The following PITRM1 variants were observed in gnomAD, a reference collection of about 807,000 sequenced individuals.
PITRM1 encodes the protein pitrilysin metallopeptidase 1.
PITRM1 carries 100 observed loss-of-function variants against 129.9 expected under a neutral mutation model. That is an observed-to-expected ratio of 0.77 (90% CI 0.65 to 0.91). PITRM1 has a LOEUF of 0.91. Ranked by LOEUF, PITRM1 falls within the 40% of genes least tolerant of loss-of-function variation. The pLI is 0.00. For synonymous variants in PITRM1, 591 were observed against 508.8 expected (o/e 1.16, Z -2.17); for missense variants, 1,471 against 1,318.3 (o/e 1.12, Z -1.79).
intron 24 of PITRM1, among the ~76,000 whole-genome samples, chr10:3,140,246 T>C (rs924189454): frequency 6.6e-6 from 1 of 152,366 alleles, no homozygotes; most frequent in Non-Finnish European, 1.5e-5. Flanking sequence ...CCTAGACGGC[T>C]ACTGGGTGAC....
intron 11 of PITRM1, 126 bp from the exon 12 acceptor site, chr10:3,157,657 C>G (rs1224671159): frequency 1.6e-6 from 1 of 624,538 alleles, no homozygotes. Flanking sequence ...GCTTGGGCAA[C>G]ACAGAGAAAG....
rs1841001937 is a variant in PITRM1 at position 3,147,395 on chromosome 10, T to TG, written c.2236-146dup. 8.6e-6 allele frequency: 8 copies of TG among 927,792 alleles called. No homozygotes were observed. In the Admixed American group the frequency reaches 1.2e-4, roughly 14 times the overall value. 57.5% of individuals were successfully genotyped at this position (927,792 alleles called of 1,614,324 possible). A position where few individuals can be genotyped will look rare whatever the true frequency, so the allele number is the denominator to read the frequency against. On this transcript the variant is annotated intron_variant, in intron 19 of 26. Coordinates refer to ENST00000224949, the MANE Select transcript of PITRM1 (RefSeq NM_014889.4). ...GGCTTGGGCAGGGCTGGAACTGGGATGCAGGGTGGTACAAAGAGGAAGATG... is the reference window on the plus strand; with the variant it reads ...GGCTTGGGCAGGGCTGGAACTGGGATGGCAGGGTGGTACAAAGAGGAAGATG...
In PITRM1 at chr10:3,157,386, CAAAATGTCTATTATAAAACA is replaced by C; in HGVS notation, c.1347+29_1347+48del. The C allele has an allele frequency of 2.6e-6, 3 of 1,150,610 alleles. No individual in the cohort carries two copies. The South Asian group carries it at 4.3e-5, about 16-fold the overall frequency. The allele number at this position is 1,150,610 out of a possible 1,614,324, so 71.3% of individuals were successfully genotyped here. The stretch of plus-strand genomic sequence containing the variant: ...AAAGCCAGTTAAGCTAGTAACAAGA[CAAAATGTCTATTATAAAACA>C]AAAACAAAATTGTTGAGAGATCACT... On this transcript the variant is annotated intron_variant, in intron 12 of 26. Coordinates refer to ENST00000224949, the MANE Select transcript of PITRM1 (RefSeq NM_014889.4).
At chr10:3,166,427 GC>G in intron 3 of PITRM1, 47 bp from the exon 4 acceptor site, 1 of 460,080 alleles carries the variant, frequency 2.2e-6, no homozygotes, top group Non-Finnish European at 3.1e-6. Context: ...GCTTAGTGCT[GC>G]GGACACAGTT....
intron 19 of PITRM1, 56 bp from the exon 20 acceptor site, chr10:3,147,306 G>A: frequency 7.7e-7 from 1 of 1,291,454 alleles, no homozygotes; most frequent in Non-Finnish European, 1.1e-6. Context: ...GACCCGCTGA[G>A]TCTGAACCAA....
chr10:3,142,135 A>G (rs78822241), intron 23 of PITRM1, among the ~76,000 whole-genome samples: 1 of 152,232 alleles, frequency 6.6e-6, no homozygotes, highest in Non-Finnish European at 1.5e-5. Flanking sequence ...TTCCTGTTGG[A>G]TAGTGGAAAC....
rs1840495213 is a variant in PITRM1, at chr10:3,143,557, C to G, written c.2533-56G>C. 60 of 1,221,896 alleles carry G rather than the reference C, an allele frequency of 4.9e-5. 1 individual carries two copies. In the South Asian group the frequency reaches 7.0e-4, roughly 14 times the overall value. The allele number at this position is 1,221,896 out of a possible 1,614,324, so 75.7% of individuals were successfully genotyped here. ...GTGCTGCCATGCACCGCCCACGGCACTGGGACTGGACCCACTCAGGGGTCA... is the reference window on the plus strand; with the variant it reads ...GTGCTGCCATGCACCGCCCACGGCAGTGGGACTGGACCCACTCAGGGGTCA... On this transcript the variant is annotated intron_variant, in intron 22 of 26. Transcript: ENST00000224949.
intron 16 of PITRM1, chr10:3,149,247 G>A (rs2132408265): frequency 5.8e-6 from 1 of 173,052 alleles, no homozygotes; most frequent in East Asian, 1.7e-4. Flanking sequence ...GCAACTGCAG[G>A]GTCGGCTTGG....
intron 2 of PITRM1, among the ~76,000 whole-genome samples, 153 bp downstream of exon 2, chr10:3,169,951 C>T (rs1187336320): frequency 6.6e-6 from 1 of 152,228 alleles, no homozygotes; most frequent in Non-Finnish European, 1.5e-5. Context: ...CTCTGTTCAG[C>T]CGAGTAGCTG....
At chr10:3,143,613 G>A (rs535627980) in intron 22 of PITRM1, 112 bp from the exon 23 acceptor site, 23 of 749,338 alleles carry the variant, frequency 3.1e-5, no homozygotes, top group African/African-American at 1.2e-4. Context: ...CACTGCCCAC[G>A]GCACTGGGAC....
intron 15 of PITRM1, among the ~76,000 whole-genome samples, chr10:3,150,920 C>T (rs1002494739): frequency 2.0e-5 from 3 of 151,848 alleles, no homozygotes; most frequent in Non-Finnish European, 2.9e-5. Context: ...GCTCTGAGGA[C>T]GCCTCGATTT....
Position 3,151,325 on chromosome 10 carries a change from C to T in PITRM1, c.1660G>A (p.Ala554Thr). 6.2e-7 allele frequency: 1 copy of T among 1,611,064 alleles called. No homozygotes were observed. Residue 554 changes from alanine to threonine, a missense_variant, in exon 15 of 27, where the codon GCC becomes ACC. Transcript: ENST00000224949. ...ACTTTCAACGCTGGCAGACAAGAGGCATCTTGAGGTTTGCTTTGTTGACTC... is the reference window on the plus strand; with the variant it reads ...ACTTTCAACGCTGGCAGACAAGAGGTATCTTGAGGTTTGCTTTGTTGACTC... Reference protein sequence around the residue: ...LRSQQSKPQDASCLPALKVSD... With the variant: ...LRSQQSKPQDTSCLPALKVSD...
In PITRM1 at chr10:3,166,201, C is replaced by T. The variant is rs1564434226; in HGVS notation, c.418+28G>A. ...TGGGTGTGCCTGGCAAACCCAAAAGCAGTTTCTGTTCAGGATGCTGGTCTT... is the reference window on the plus strand; with the variant it reads ...TGGGTGTGCCTGGCAAACCCAAAAGTAGTTTCTGTTCAGGATGCTGGTCTT... On this transcript the variant is annotated intron_variant, in intron 4 of 26. Coordinates refer to ENST00000224949, the MANE Select transcript of PITRM1 (RefSeq NM_014889.4). 8 of 1,550,198 alleles carry T rather than the reference C, an allele frequency of 5.2e-6. No homozygotes were observed. In the South Asian group the frequency reaches 9.7e-5, roughly 19 times the overall value.
rs746619827 is a variant in PITRM1, at chr10:3,166,919, T to TGTAAG, written c.266+16_266+17insCTTAC. On this transcript the variant is annotated intron_variant, in intron 3 of 26. Transcript: ENST00000224949. ...ATAAAAACATTCAAGACCATGTTCT[T>TGTAAG]ACAATGCACCACACACCTGAACAGA... 27 of 1,438,184 alleles carry TGTAAG rather than the reference T, an allele frequency of 1.9e-5. No homozygotes were observed. The highest frequency in any genetic ancestry group is 9.7e-7 in the Non-Finnish European group (1 of 1,033,010). 89.1% of individuals were successfully genotyped at this position (1,438,184 alleles called of 1,614,324 possible).
intron 7 of PITRM1, among the ~76,000 whole-genome samples, chr10:3,160,708 G>GCCTCC (rs760724705): frequency 9.9e-5 from 15 of 151,670 alleles, no homozygotes; most frequent in Non-Finnish European, 4.4e-5. Context: ...TCCAGCCTCA[G>GCCTCC]CCTCCTCAGT....
intron 9 of PITRM1, among the ~76,000 whole-genome samples, chr10:3,159,644 A>T (rs1312288403): frequency 3.9e-5 from 6 of 152,238 alleles, no homozygotes; most frequent in Non-Finnish European, 8.8e-5. Flanking sequence ...CCGGAGGGCT[A>T]TCAAAAACGA....
chr10:3,162,642 G>C lies in PITRM1; in HGVS notation c.791+1083C>G, dbSNP rs45496991. Among the ~76,000 whole-genome samples, 1,292 of 152,340 alleles carry C rather than the reference G, an allele frequency of 8.5e-3. 12 individuals are homozygous for C. Among genetic ancestry groups the C allele is most frequent in the Non-Finnish European group, 0.013 (888 of 68,038 alleles). On this transcript the variant is annotated intron_variant, in intron 7 of 26. Transcript: ENST00000224949. ...GCCGTCTATGGAGAGCTCCCCATGA[G>C]GGACTCTGCTTACAAAGGCACAGCC...
rs1463194725 is a variant in PITRM1, at chr10:3,166,920, A to G, written c.266+16T>C. On this transcript the variant is annotated intron_variant, in intron 3 of 26. Coordinates refer to ENST00000224949, the MANE Select transcript of PITRM1 (RefSeq NM_014889.4). ...TAAAAACATTCAAGACCATGTTCTT[A>G]CAATGCACCACACACCTGAACAGAT... is the stretch of plus-strand genomic sequence containing the variant. The G allele has an allele frequency of 7.0e-7, 1 of 1,437,646 alleles. No homozygotes were observed. The highest frequency in any genetic ancestry group is 1.2e-5 in the South Asian group (1 of 82,820). 89.1% of individuals were successfully genotyped at this position (1,437,646 alleles called of 1,614,324 possible).
intron 2 of PITRM1, among the ~76,000 whole-genome samples, chr10:3,169,405 C>T (rs1564441031): frequency 6.6e-6 from 1 of 152,314 alleles, no homozygotes; most frequent in African/African-American, 2.4e-5. Flanking sequence ...CCTCCTCCTG[C>T]CCTTGTCCTT....
Sources: allele counts gnomAD v4.1 joint callset (sites outside exome capture counted in the v4.1 genomes callset), GRCh38; gene constraint gnomAD v4.1.1; transcripts MANE v1.5; gene names NCBI Gene and HGNC (gene_info 2026-07-23, HGNC 2026-07-21).